SETDB1: variants seen among roughly 807,000 people sequenced by gnomAD.
SETDB1 encodes the protein SET domain bifurcated histone lysine methyltransferase 1, also known as histone-lysine N-methyltransferase SETDB1.
In SETDB1, 31 loss-of-function variants were observed where a neutral mutation model predicts 137.4. The ratio of observed to expected loss-of-function variants is 0.23; its 90% confidence interval spans 0.17 to 0.30. SETDB1 has a LOEUF of 0.30. Among genes scored for constraint, SETDB1 ranks in the 10% least tolerant of loss-of-function variants. The probability of loss-of-function intolerance (pLI) is 1.00; values close to 1 mark genes in which losing one functional copy is unlikely to be tolerated. For missense variants in SETDB1, 1,113 were observed against 1,631.5 expected (o/e 0.68, Z 5.47); for synonymous variants, 548 against 579.9 (o/e 0.95, Z 0.79).
chr1:150,946,790 C>T, intron 9 of SETDB1, 96 bp from the exon 10 acceptor site: 1 of 1,432,310 alleles, frequency 7.0e-7, no homozygotes, highest in South Asian at 1.2e-5. Context: ...AGGGAGGATT[C>T]CCAGAGGTGA....
In SETDB1 at chr1:150,949,402, A is replaced by G; in HGVS notation, c.1460A>G (p.Gln487Arg). The change falls in exon 12 of 22, where the codon CAG becomes CGG. Residue 487 changes from glutamine (Q) to arginine (R), a missense_variant. Gln to Arg is a conservative substitution (Grantham distance 43). Around this residue, in one of 11 missense-constraint regions of SETDB1, gnomAD observed 192 missense variants for 198.1 expected, o/e 0.97. Coordinates refer to ENST00000692827, the MANE Select transcript of SETDB1 (RefSeq NM_001366418.1). ...LESQLAQSRK[Q>R]VAKKSTSFRP... is the part of the protein sequence containing the mutation. ...AGCCAGCTTGCCCAGTCACGGAAGC[A>G]GGTAGCCAAAAAGAGCACGTCCTTT... The G allele has an allele frequency of 6.2e-7, 1 of 1,614,232 alleles. No homozygotes were observed. The highest frequency in any genetic ancestry group is 8.5e-7 in the Non-Finnish European group (1 of 1,180,044).
intron 14 of SETDB1, among the ~76,000 whole-genome samples, chr1:150,954,807 A>T (rs1000178568): frequency 1.9e-4 from 29 of 152,192 alleles, no homozygotes; most frequent in Non-Finnish European, 4.4e-5. Context: ...TTTTTTAGAC[A>T]TGCAGTACCT....
chr1:150,938,867 C>G (rs919236075), intron 3 of SETDB1, among the ~76,000 whole-genome samples: 2 of 148,440 alleles, frequency 1.3e-5, no homozygotes, highest in Non-Finnish European at 3.0e-5. Flanking sequence ...TACTCTGTCA[C>G]CTGTAGTCCC....
intron 2 of SETDB1, among the ~76,000 whole-genome samples, chr1:150,929,389 T>TA (rs907080219): frequency 1.3e-4 from 20 of 151,834 alleles, no homozygotes; most frequent in East Asian, 5.8e-4. Flanking sequence ...TATTTTATTT[T>TA]TTTTTTAGAC....
chr1:150,929,834 CAG>C lies in SETDB1; in HGVS notation c.261-129_261-128del, dbSNP rs755006715. On this transcript the variant is annotated intron_variant, in intron 2 of 21. Transcript: ENST00000692827. ...TAGAAAAAGCATTCTAAATTCTAAACAGAGACACTTTGGAATGTGGCCCATTT... is the reference window on the plus strand; with the variant it reads ...TAGAAAAAGCATTCTAAATTCTAAACAGACACTTTGGAATGTGGCCCATTT... 25 of 723,756 alleles carry C rather than the reference CAG, an allele frequency of 3.5e-5. No homozygotes were observed. In the African/African-American group the frequency reaches 4.2e-4, roughly 12 times the overall value. 44.8% of individuals were successfully genotyped at this position (723,756 alleles called of 1,614,324 possible). A position where few individuals can be genotyped will look rare whatever the true frequency, so the allele number is the denominator to read the frequency against.
chr1:150,930,431 A>G (rs747738337), intron 3 of SETDB1: 53 of 186,264 alleles, frequency 2.8e-4, no homozygotes, highest in Non-Finnish European at 5.2e-4. Context: ...TAAAAAATAC[A>G]GTTGGTTTTT....
At position 150,951,573 on chromosome 1, in the gene SETDB1, A is replaced by C. The variant is rs1571651123; in HGVS notation, c.2333+92A>C. On this transcript the variant is annotated intron_variant, in intron 14 of 21. Transcript: ENST00000692827. ...TTATAGAAATCATCAGAAATCTAAA[A>C]ATTGGAACCAAAAATAGAATACCAG... The C allele has an allele frequency of 4.5e-6, 3 of 669,092 alleles. No individual in the cohort carries two copies. The East Asian group carries it at 8.2e-5, about 18-fold the overall frequency. The allele number at this position is 669,092 out of a possible 1,614,324, so 41.4% of individuals were successfully genotyped here.
chr1:150,949,331 A>T, intron 11 of SETDB1, 36 bp from the exon 12 acceptor site: 1 of 1,612,742 alleles, frequency 6.2e-7, no homozygotes, highest in Non-Finnish European at 8.5e-7. Context: ...TATTTTCCAC[A>T]TCCCTTACTA....
At position 150,943,068 on chromosome 1, in the gene SETDB1, G is replaced by A. The variant is rs1175661273; in HGVS notation, c.875+15G>A. 6.3e-7 allele frequency: 1 copy of A among 1,597,480 alleles called. No homozygotes were observed. The highest frequency in any genetic ancestry group is 8.6e-7 in the Non-Finnish European group (1 of 1,165,434). ...AACAAGCTCAGGTACCTGGACAGAGGACTGTAAAGGGGTAGAGGCTGGGAG... is the reference window on the plus strand; with the variant it reads ...AACAAGCTCAGGTACCTGGACAGAGAACTGTAAAGGGGTAGAGGCTGGGAG... On this transcript the variant is annotated intron_variant, in intron 7 of 21. Transcript: ENST00000692827.
chr1:150,946,599 C>T (rs1670339008), intron 9 of SETDB1, among the ~76,000 whole-genome samples: 1 of 152,032 alleles, frequency 6.6e-6, no homozygotes, highest in African/African-American at 2.4e-5. Flanking sequence ...CAGGCATGCG[C>T]CACCACACCC....
chr1:150,946,796 G>A, intron 9 of SETDB1, 90 bp from the exon 10 acceptor site: 1 of 1,470,582 alleles, frequency 6.8e-7, no homozygotes, highest in Non-Finnish European at 9.4e-7. Flanking sequence ...GATTCCCAGA[G>A]GTGACACATG....
intron 8 of SETDB1, 127 bp downstream of exon 8, chr1:150,944,120 T>A: frequency 1.4e-6 from 1 of 727,640 alleles, no homozygotes; most frequent in Non-Finnish European, 2.5e-6. Flanking sequence ...GTTTGGTTGA[T>A]GTCTTTTGCT....
rs112999255 is a variant in SETDB1, at chr1:150,936,895, C to T, written c.413-3045C>T. ...ATCTCAGCACTTTGGGAGGCCGAGGCGGGTGGATCGCCTGAGGTCAGGAGT... is the reference window on the plus strand; with the variant it reads ...ATCTCAGCACTTTGGGAGGCCGAGGTGGGTGGATCGCCTGAGGTCAGGAGT... On this transcript the variant is annotated intron_variant, in intron 3 of 21. Transcript: ENST00000692827. Among the ~76,000 whole-genome samples the T allele has an allele frequency of 8.7e-3, 1,319 of 152,214 alleles. 9 individuals carry two copies. The highest frequency in any genetic ancestry group is 0.012 in the Non-Finnish European group (810 of 68,022).
At chr1:150,933,130 G>A (rs1278255999) in intron 3 of SETDB1, among the ~76,000 whole-genome samples, 1 of 152,108 alleles carries the variant, frequency 6.6e-6, no homozygotes, top group African/African-American at 2.4e-5. Context: ...CATGATCATA[G>A]TTCACTGCAG....
intron 2 of SETDB1, among the ~76,000 whole-genome samples, chr1:150,929,203 C>G (rs919706343): frequency 6.6e-6 from 1 of 152,060 alleles, no homozygotes; most frequent in African/African-American, 2.4e-5. Flanking sequence ...AGTTTACAGT[C>G]CCACCAACAG....
chr1:150,932,974 A>G (rs587703938), intron 3 of SETDB1, among the ~76,000 whole-genome samples: 1 of 152,010 alleles, frequency 6.6e-6, no homozygotes, highest in East Asian at 1.9e-4. Flanking sequence ...TTTTTTTGAT[A>G]TCTTTCTGTT....
intron 15 of SETDB1, 62 bp from the exon 16 acceptor site, chr1:150,960,501 C>T: frequency 2.2e-6 from 2 of 893,846 alleles, no homozygotes; most frequent in Non-Finnish European, 3.0e-6. Context: ...AAAAAGCAAA[C>T]AAAAAAAAAA....
intron 3 of SETDB1, among the ~76,000 whole-genome samples, chr1:150,933,767 CTTTTTCTTTTTCTTTT>C (rs1571626718): frequency 1.7e-5 from 2 of 116,820 alleles, no homozygotes; most frequent in African/African-American, 3.4e-5. Flanking sequence ...TTTTCTTTTT[CTTTTTCTTTTTCTTTT>C]TTTTTTTTTT....
chr1:150,931,622 T>A (rs1309273214), intron 3 of SETDB1, among the ~76,000 whole-genome samples: 16 of 87,648 alleles, frequency 1.8e-4, no homozygotes, highest in Non-Finnish European at 2.7e-4. Flanking sequence ...AAAAAAAAAT[T>A]AAAAAATAAA....
Sources: allele counts gnomAD v4.1 joint callset (sites outside exome capture counted in the v4.1 genomes callset), GRCh38; gene constraint gnomAD v4.1.1; regional missense constraint gnomAD v4.1.1; transcripts MANE v1.5; gene names NCBI Gene and HGNC (gene_info 2026-07-23, HGNC 2026-07-21).